BLK: variants seen among roughly 807,000 people sequenced by gnomAD.
BLK encodes the protein tyrosine-protein kinase Blk.
A neutral mutation model predicts 61.8 loss-of-function variants in BLK; 64 were observed. The observed-to-expected ratio is 1.03, with a 90% CI of 0.85 to 1.27. BLK has a LOEUF of 1.27. Among genes scored for constraint, BLK ranks in the 50% most tolerant of loss-of-function variants. The pLI, the probability that BLK is intolerant of heterozygous loss-of-function variation, is 0.00. For synonymous variants in BLK, 351 were observed against 272.0 expected (o/e 1.29, Z -2.86); for missense variants, 853 against 660.5 (o/e 1.29, Z -3.19).
At chr8:11,503,116 C>T (rs980602703) in intron 1 of BLK, among the ~76,000 whole-genome samples, 1 of 152,150 alleles carries the variant, frequency 6.6e-6, no homozygotes, top group African/African-American at 2.4e-5. Context: ...AAAGACACAC[C>T]TGGGGTGCAA....
At chr8:11,523,695 TA>T (rs1336953178) in intron 1 of BLK, among the ~76,000 whole-genome samples, 2 of 152,204 alleles carry the variant, frequency 1.3e-5, no homozygotes, top group Non-Finnish European at 2.9e-5. Flanking sequence ...ATAAATACCT[TA>T]ATGTAAAAAG....
chr8:11,502,429 A>G (rs1798597908), intron 1 of BLK, among the ~76,000 whole-genome samples: 1 of 151,750 alleles, frequency 6.6e-6, no homozygotes. Context: ...TCATCCTCCC[A>G]ATTAGCTGGG....
intron 1 of BLK, among the ~76,000 whole-genome samples, chr8:11,501,594 A>G (rs540014447): frequency 6.6e-6 from 1 of 152,368 alleles, no homozygotes; most frequent in African/African-American, 2.4e-5. Flanking sequence ...GTACTGATAT[A>G]AAGGATGCGT....
intron 1 of BLK, among the ~76,000 whole-genome samples, chr8:11,531,482 A>T (rs1474151087): frequency 6.6e-6 from 1 of 152,212 alleles, no homozygotes; most frequent in African/African-American, 2.4e-5. Context: ...TTCTAAGAAT[A>T]TAATGTACCT....
chr8:11,515,326 T>G (rs1799181645), intron 1 of BLK, among the ~76,000 whole-genome samples: 2 of 152,110 alleles, frequency 1.3e-5, no homozygotes, highest in African/African-American at 4.8e-5. Flanking sequence ...TTTCTTTACC[T>G]GTAGAGTGGA....
chr8:11,524,826 A>G (rs552203942), intron 1 of BLK, among the ~76,000 whole-genome samples: 1 of 152,122 alleles, frequency 6.6e-6, no homozygotes, highest in South Asian at 2.1e-4. Flanking sequence ...CAGACAAAAC[A>G]GGGAACGACA....
intron 10 of BLK, chr8:11,558,770 C>A (rs1248315562): frequency 6.6e-6 from 3 of 456,214 alleles, no homozygotes; most frequent in South Asian, 3.1e-5. Flanking sequence ...GAACTCTCAG[C>A]AGAAAAGTTT....
At chr8:11,500,047 G>A (rs1798498005) in intron 1 of BLK, among the ~76,000 whole-genome samples, 1 of 152,156 alleles carries the variant, frequency 6.6e-6, no homozygotes, top group Admixed American at 6.5e-5. Context: ...TGCTCACTAA[G>A]GATTAGTTCC....
chr8:11,533,662 A>C, intron 1 of BLK, among the ~76,000 whole-genome samples: 1 of 62,404 alleles, frequency 1.6e-5, no homozygotes, highest in Non-Finnish European at 3.2e-5. Flanking sequence ...ACGGAGGGGG[A>C]GAGGGAGGGA....
chr8:11,537,547 G>A (rs1013645311), intron 1 of BLK, among the ~76,000 whole-genome samples: 1 of 152,164 alleles, frequency 6.6e-6, no homozygotes, highest in Non-Finnish European at 1.5e-5. Context: ...AAGGGACACA[G>A]AGCCTCAGGC....
At chr8:11,560,344 T>A in intron 10 of BLK, 1 of 214,688 alleles carries the variant, frequency 4.7e-6, no homozygotes, top group African/African-American at 2.4e-5. Context: ...GATACATGGA[T>A]GGATGCATGG....
chr8:11,557,403 G>T (rs1051729533), intron 9 of BLK, among the ~76,000 whole-genome samples: 1 of 152,154 alleles, frequency 6.6e-6, no homozygotes, highest in Admixed American at 6.5e-5. Context: ...CTGTCACCAA[G>T]GGGCCCCCGG....
rs112389760 is a variant in BLK at position 11,526,757 on chromosome 8, T to C, written c.-1-16467T>C. Among the ~76,000 whole-genome samples the C allele has an allele frequency of 6.0e-3, 910 of 152,300 alleles. 7 individuals are homozygous for C. The highest frequency in any genetic ancestry group is 0.021 in the African/African-American group (883 of 41,568). On this transcript the variant is annotated intron_variant, in intron 1 of 12. Coordinates refer to ENST00000259089, the MANE Select transcript of BLK (RefSeq NM_001715.3). ...ATTATATTCTGTTGTGTTCAGTGCT[T>C]ATATAATTTTACTGTGTTTCATCAG...
intron 11 of BLK, among the ~76,000 whole-genome samples, chr8:11,561,701 C>T (rs890119382): frequency 2.6e-5 from 4 of 152,334 alleles, no homozygotes; most frequent in East Asian, 3.9e-4. Flanking sequence ...GTCCACCCTA[C>T]TCCCTGTCTT....
At chr8:11,526,006 C>T (rs1799639419) in intron 1 of BLK, among the ~76,000 whole-genome samples, 1 of 152,236 alleles carries the variant, frequency 6.6e-6, no homozygotes, top group African/African-American at 2.4e-5. Context: ...CTCCTATCCT[C>T]AGGTGATCTG....
At chr8:11,534,374 T>C (rs1039427513) in intron 1 of BLK, among the ~76,000 whole-genome samples, 1 of 152,258 alleles carries the variant, frequency 6.6e-6, no homozygotes, top group African/African-American at 2.4e-5. Context: ...TGTGAGAGTT[T>C]TTTAAAACAT....
intron 1 of BLK, among the ~76,000 whole-genome samples, chr8:11,537,758 C>T (rs923246873): frequency 3.3e-5 from 5 of 152,166 alleles, no homozygotes; most frequent in African/African-American, 7.2e-5. Context: ...ACTCGTTATC[C>T]GTCAAGTGCT....
chr8:11,531,429 C>T (rs1390587792), intron 1 of BLK, among the ~76,000 whole-genome samples: 1 of 152,036 alleles, frequency 6.6e-6, no homozygotes, highest in Non-Finnish European at 1.5e-5. Flanking sequence ...TTCTTTATAT[C>T]CTTTGTGACA....
At chr8:11,511,066 C>G (rs897673853) in intron 1 of BLK, among the ~76,000 whole-genome samples, 2 of 152,210 alleles carry the variant, frequency 1.3e-5, no homozygotes, top group African/African-American at 4.8e-5. Context: ...GCTACAAACA[C>G]TCACCATAGG....
Sources: allele counts gnomAD v4.1 joint callset (sites outside exome capture counted in the v4.1 genomes callset), GRCh38; gene constraint gnomAD v4.1.1; transcripts MANE v1.5; gene names NCBI Gene and HGNC (gene_info 2026-07-23, HGNC 2026-07-21).